The following OTC variants were observed in gnomAD, a reference collection of about 807,000 sequenced individuals.
The protein encoded by OTC is ornithine transcarbamylase, mitochondrial.
Under a neutral mutation model 30.3 loss-of-function variants are expected in OTC, and 3 were observed. The observed-to-expected ratio is 0.10, with a 90% CI of 0.05 to 0.26. The LOEUF (loss-of-function observed/expected upper bound fraction) is 0.26, where lower values mean the gene tolerates loss of function less well. Ranked by LOEUF, OTC falls within the 10% of genes least tolerant of loss-of-function variation. OTC has a pLI of 1.00. For synonymous variants in OTC, 111 were observed against 99.7 expected (o/e 1.11, Z -0.67); for missense variants, 194 against 260.3 (o/e 0.75, Z 1.75).
At chrX:38,385,244 T>A (rs925558802) in intron 4 of OTC, among the ~76,000 whole-genome samples, 4 of 112,130 alleles carry the variant, frequency 3.6e-5, no homozygotes, top group African/African-American at 1.3e-4. Context: ...CACTCCAGCC[T>A]GGGCGACAGA....
chrX:38,386,380 A>ATATAT (rs1456448332), intron 4 of OTC, among the ~76,000 whole-genome samples: 1 of 76,489 alleles, frequency 1.3e-5, no homozygotes, highest in Non-Finnish European at 2.7e-5. Flanking sequence ...CTCAAAAAAA[A>ATATAT]AAAAAAATAT....
the OTC span, among the ~76,000 whole-genome samples, chrX:38,331,442 GTT>G: frequency 5.3e-5 from 2 of 37,673 alleles, no homozygotes; most frequent in African/African-American, 1.5e-4. Context: ...TTTTTTTTTT[GTT>G]TTTTTTTTTT....
chrX:38,342,411 C>T, the OTC span, among the ~76,000 whole-genome samples: 1 of 111,027 alleles, frequency 9.0e-6, no homozygotes, highest in African/African-American at 3.3e-5. Context: ...TTAGAATAAG[C>T]CAAGAACTGA....
chrX:38,388,565 G>A (rs1397714218), intron 4 of OTC, among the ~76,000 whole-genome samples: 1 of 111,004 alleles, frequency 9.0e-6, no homozygotes, highest in African/African-American at 3.3e-5. Flanking sequence ...GCAACAGCAA[G>A]TGGGGCATTA....
At chrX:38,333,995 A>G in the OTC span, among the ~76,000 whole-genome samples, 1 of 112,513 alleles carries the variant, frequency 8.9e-6, no homozygotes, top group Non-Finnish European at 1.9e-5. Flanking sequence ...GAAGGCAGGT[A>G]CAGTCTACTG....
intron 3 of OTC, among the ~76,000 whole-genome samples, chrX:38,376,541 C>G (rs191915967): frequency 1.8e-5 from 2 of 111,661 alleles, no homozygotes; most frequent in East Asian, 5.6e-4. Flanking sequence ...AAGTTCTCCT[C>G]TTATTCCTGT....
intron 9 of OTC, among the ~76,000 whole-genome samples, chrX:38,413,597 G>T (rs1487479156): frequency 9.0e-6 from 1 of 111,093 alleles, no homozygotes; most frequent in African/African-American, 3.3e-5. Flanking sequence ...AAATTACCTA[G>T]GGGGTCTTGT....
At chrX:38,384,788 T>A (rs1439167365) in intron 4 of OTC, among the ~76,000 whole-genome samples, 1 of 109,762 alleles carries the variant, frequency 9.1e-6, no homozygotes, top group African/African-American at 3.3e-5. Context: ...GAGAATATAG[T>A]GAGTGTAGCA....
intron 4 of OTC, among the ~76,000 whole-genome samples, chrX:38,388,669 C>CTGAAA (rs2068416550): frequency 9.0e-6 from 1 of 111,620 alleles, no homozygotes; most frequent in East Asian, 2.8e-4. Context: ...AATAGCTTCC[C>CTGAAA]AGTCATTTGT....
At chrX:38,414,822 C>T (rs1019099173) in intron 9 of OTC, among the ~76,000 whole-genome samples, 10 of 111,237 alleles carry the variant, frequency 9.0e-5, no homozygotes, top group South Asian at 3.8e-4. Context: ...ACATGTGTTG[C>T]GCTCTTTATG....
rs756269281 is a variant in OTC at position 38,401,377 on chromosome X, G to T, written c.489G>T (p.Leu163=). Residue 163 remains leucine (L), a synonymous_variant, in exon 5 of 10, where the codon CTG becomes CTT. Transcript: ENST00000039007. ...CATCCATCCCAATTATCAATGGGCT[G>T]TCAGATTTGTACCATCCTATCCAGA... ...KEASIPIING[L]SDLYHPIQIL... 1 of 1,205,604 alleles carries T rather than the reference G, an allele frequency of 8.3e-7. No homozygotes were observed. The highest frequency in any genetic ancestry group is 1.1e-6 in the Non-Finnish European group (1 of 889,942).
intron 4 of OTC, among the ~76,000 whole-genome samples, chrX:38,400,665 A>G (rs760614634): frequency 2.7e-5 from 3 of 112,290 alleles, no homozygotes; most frequent in Non-Finnish European, 5.6e-5. Flanking sequence ...GGTCCCTGTC[A>G]CGCAGGAATG....
intron 4 of OTC, among the ~76,000 whole-genome samples, chrX:38,387,792 A>C (rs1205902855): frequency 2.7e-5 from 3 of 112,035 alleles, no homozygotes; most frequent in Non-Finnish European, 5.6e-5. Context: ...GTCACACAGG[A>C]TGTGCTTAAT....
Position 38,385,423 on chromosome X carries a change from C to T in OTC, c.386+3994C>T, listed in dbSNP as rs140459893. Among the ~76,000 whole-genome samples the T allele has an allele frequency of 9.5e-3, 1,060 of 111,731 alleles. 15 individuals are homozygous for T. Among genetic ancestry groups the T allele is most frequent in the African/African-American group, 0.033 (998 of 30,702 alleles). On this transcript the variant is annotated intron_variant, in intron 4 of 9. Coordinates refer to ENST00000039007, the MANE Select transcript of OTC (RefSeq NM_000531.6). ...ATAAGTGCTATGATGAAGCTAAAGC[C>T]GGGTTATTTGTTGGTGGGGTGGCGG...
At chrX:38,371,965 T>G (rs1378161366) in intron 3 of OTC, among the ~76,000 whole-genome samples, 1 of 112,121 alleles carries the variant, frequency 8.9e-6, no homozygotes, top group Non-Finnish European at 1.9e-5. Flanking sequence ...TATATTTTTG[T>G]TTTTACCGTT....
intron 1 of OTC, among the ~76,000 whole-genome samples, chrX:38,359,914 C>CTTTTTTTTTTT (rs57184116): frequency 1.7e-4 from 16 of 94,478 alleles, no homozygotes; most frequent in Non-Finnish European, 2.7e-4. Context: ...TTCTTTCTTT[C>CTTTTTTTTTTT]TTTTTTTTTT....
intron 6 of OTC, among the ~76,000 whole-genome samples, chrX:38,404,351 T>C (rs1386004761): frequency 9.0e-6 from 1 of 111,647 alleles, no homozygotes. Flanking sequence ...TGTAAACCTT[T>C]TGATACACAA....
At chrX:38,392,959 G>A (rs929036472) in intron 4 of OTC, among the ~76,000 whole-genome samples, 5 of 112,094 alleles carry the variant, frequency 4.5e-5, no homozygotes, top group African/African-American at 1.6e-4. Flanking sequence ...AATAATAAAC[G>A]TTCCTCAAAG....
the OTC span, among the ~76,000 whole-genome samples, chrX:38,334,294 G>A: frequency 8.9e-6 from 1 of 112,061 alleles, no homozygotes; most frequent in African/African-American, 3.2e-5. Context: ...GTGGGGGCTG[G>A]GATTTGAACA....
Sources: allele counts gnomAD v4.1 joint callset (sites outside exome capture counted in the v4.1 genomes callset), GRCh38; gene constraint gnomAD v4.1.1; transcripts MANE v1.5; gene names NCBI Gene and HGNC (gene_info 2026-07-23, HGNC 2026-07-21).